The following PTPRK variants were observed in gnomAD, a reference collection of about 807,000 sequenced individuals.
PTPRK encodes the protein protein tyrosine phosphatase receptor type K, also known as receptor-type tyrosine-protein phosphatase kappa.
PTPRK carries 75 observed loss-of-function variants against 178.0 expected under a neutral mutation model. The observed-to-expected ratio is 0.42, with a 90% CI of 0.35 to 0.51. The LOEUF (loss-of-function observed/expected upper bound fraction) is 0.51. Ranked by LOEUF, PTPRK falls within the 20% of genes least tolerant of loss-of-function variation. PTPRK has a pLI of 0.02. For synonymous variants in PTPRK, 637 were observed against 620.6 expected (o/e 1.03, Z -0.39); for missense variants, 1,441 against 1,797.8 (o/e 0.80, Z 3.59).
intron 6 of PTPRK, among the ~76,000 whole-genome samples, chr6:128,204,262 C>T (rs569664888): frequency 6.6e-6 from 1 of 152,034 alleles, no homozygotes; most frequent in East Asian, 1.9e-4. Context: ...AAAACATATA[C>T]AAAAATTAAC....
At chr6:128,249,113 T>C (rs764480376) in intron 3 of PTPRK, among the ~76,000 whole-genome samples, 2 of 152,000 alleles carry the variant, frequency 1.3e-5, no homozygotes, top group South Asian at 2.1e-4. Context: ...CTATAAGTAA[T>C]AGGCTAGTGA....
chr6:128,139,833 G>A (rs1410410308), intron 7 of PTPRK, among the ~76,000 whole-genome samples: 1 of 151,790 alleles, frequency 6.6e-6, no homozygotes, highest in Non-Finnish European at 1.5e-5. Context: ...TAATAACTTG[G>A]TTTCAATTCT....
At chr6:128,305,152 T>C (rs1432892928) in intron 3 of PTPRK, among the ~76,000 whole-genome samples, 1 of 152,214 alleles carries the variant, frequency 6.6e-6, no homozygotes, top group Non-Finnish European at 1.5e-5. Flanking sequence ...TTTTGAAGAA[T>C]TCCCGTTTCA....
Position 128,218,934 on chromosome 6 carries a change from G to C in PTPRK, c.856C>G (p.Leu286Val). Reference protein sequence around the residue: ...RGSGVSNFAQLIVREPPRPIA... With the variant: ...RGSGVSNFAQVIVREPPRPIA... ...AATTTCACCTTACCTCTCACAATAA[G>C]TTGAGCAAAATTGGACACACCGGAA... The change falls in exon 6 of 30, where the codon CTT (leucine) becomes GTT (valine). Residue 286 changes from leucine to valine, a missense_variant. Physicochemically the swap from Leu to Val is conservative, Grantham distance 32. This residue lies in a region of PTPRK where 945 missense variants were observed against 1,080.6 expected (regional missense o/e 0.87). Transcript: ENST00000368226. The C allele has an allele frequency of 1.2e-6, 2 of 1,611,682 alleles. No individual in the cohort carries two copies. Among genetic ancestry groups the C allele is most frequent in the Non-Finnish European group, 1.7e-6 (2 of 1,178,682 alleles).
intron 1 of PTPRK, among the ~76,000 whole-genome samples, chr6:128,468,778 T>G (rs1850222192): frequency 6.6e-6 from 1 of 152,126 alleles, no homozygotes; most frequent in Non-Finnish European, 1.5e-5. Flanking sequence ...ATTTGGCACT[T>G]TGCTTTAGTC....
chr6:127,973,613 G>C, intron 28 of PTPRK, 51 bp downstream of exon 28: 1 of 1,592,582 alleles, frequency 6.3e-7, no homozygotes, highest in Non-Finnish European at 8.6e-7. Context: ...TTGAAAATGA[G>C]AAAATAAGCA....
intron 21 of PTPRK, among the ~76,000 whole-genome samples, chr6:127,988,765 A>G (rs995970019): frequency 6.6e-6 from 1 of 151,868 alleles, no homozygotes; most frequent in Non-Finnish European, 1.5e-5. Context: ...TGGTTTAATT[A>G]CTTTATTGAT....
At chr6:128,156,999 G>A (rs374219900) in intron 7 of PTPRK, among the ~76,000 whole-genome samples, 71 of 151,944 alleles carry the variant, frequency 4.7e-4, no homozygotes, top group African/African-American at 1.5e-3. Context: ...ATAACTTATC[G>A]TAAGAATGCA....
chr6:128,124,158 G>C (rs7356979), intron 7 of PTPRK, among the ~76,000 whole-genome samples: 30,579 of 151,152 alleles, frequency 0.2, 6,078 homozygotes, highest in African/African-American at 0.5. Flanking sequence ...ATGCTCCTGT[G>C]TCAGCTTCCC....
intron 3 of PTPRK, among the ~76,000 whole-genome samples, chr6:128,289,676 A>G (rs1823058087): frequency 6.6e-6 from 1 of 152,122 alleles, no homozygotes; most frequent in South Asian, 2.1e-4. Context: ...CTTAACACAT[A>G]GATAAATACA....
chr6:128,475,419 G>A (rs560757685), intron 1 of PTPRK, among the ~76,000 whole-genome samples: 20 of 152,164 alleles, frequency 1.3e-4, no homozygotes, highest in Non-Finnish European at 2.5e-4. Context: ...AGATAGATTG[G>A]TTAGGGGATG....
intron 5 of PTPRK, among the ~76,000 whole-genome samples, chr6:128,236,521 G>A (rs1583622238): frequency 6.6e-6 from 1 of 151,676 alleles, no homozygotes; most frequent in East Asian, 1.9e-4. Flanking sequence ...GCTAATTTTT[G>A]TATTTTTAGT....
At chr6:128,379,657 G>A (rs141686817) in intron 2 of PTPRK, among the ~76,000 whole-genome samples, 1 of 152,236 alleles carries the variant, frequency 6.6e-6, no homozygotes, top group African/African-American at 2.4e-5. Context: ...TACTTCATAA[G>A]GTATTGAAGA....
chr6:128,026,329 A>C (rs1774289829), intron 13 of PTPRK, among the ~76,000 whole-genome samples: 1 of 152,228 alleles, frequency 6.6e-6, no homozygotes, highest in South Asian at 2.1e-4. Context: ...GTATATGTGT[A>C]AAGTGGTCTT....
chr6:128,083,176 C>T (rs1178711727), intron 9 of PTPRK, among the ~76,000 whole-genome samples: 5 of 152,018 alleles, frequency 3.3e-5, no homozygotes, highest in African/African-American at 4.8e-5. Flanking sequence ...CAGAACTACA[C>T]ATTTGTGTAA....
intron 24 of PTPRK, among the ~76,000 whole-genome samples, chr6:127,982,328 A>G (rs1394185145): frequency 6.6e-6 from 1 of 151,806 alleles, no homozygotes; most frequent in East Asian, 1.9e-4. Flanking sequence ...GCTGGAGTGC[A>G]GTGGTGCAAT....
chr6:128,072,275 C>T (rs1157707025), intron 11 of PTPRK, among the ~76,000 whole-genome samples: 2 of 151,880 alleles, frequency 1.3e-5, no homozygotes, highest in African/African-American at 4.8e-5. Flanking sequence ...TATTTTACTA[C>T]ATTATATGGA....
At chr6:128,144,254 AAAAAT>A (rs1419916683) in intron 7 of PTPRK, among the ~76,000 whole-genome samples, 1 of 152,218 alleles carries the variant, frequency 6.6e-6, no homozygotes, top group African/African-American at 2.4e-5. Flanking sequence ...AAAATACAAT[AAAAAT>A]AACTTACCAA....
At chr6:128,356,311 G>A (rs545376188) in intron 2 of PTPRK, among the ~76,000 whole-genome samples, 45 of 152,072 alleles carry the variant, frequency 3.0e-4, no homozygotes, top group African/African-American at 9.4e-4. Flanking sequence ...TTCTTTAATC[G>A]AGCTTATTGA....
Sources: gnomAD v4.1 joint callset for allele counts (sites outside exome capture counted in the v4.1 genomes callset) on GRCh38, gnomAD v4.1.1 for gene constraint, gnomAD v4.1.1 regional missense constraint, MANE v1.5 for transcripts, NCBI Gene and HGNC (gene_info 2026-07-23, HGNC 2026-07-21) for gene names.